CNTN5: variants seen among roughly 807,000 people sequenced by gnomAD.
CNTN5 encodes contactin-5.
CNTN5 carries 77 observed loss-of-function variants against 129.1 expected under a neutral mutation model. That is an observed-to-expected ratio of 0.60 (90% confidence interval 0.50 to 0.72). The LOEUF is 0.72. Ranked by LOEUF, CNTN5 falls within the 30% of genes least tolerant of loss-of-function variation. CNTN5 has a pLI of 0.00. For synonymous variants in CNTN5, 509 were observed against 465.6 expected (o/e 1.09, Z -1.20); for missense variants, 1,478 against 1,328.8 (o/e 1.11, Z -1.75).
chr11:100,108,208 T>G, intron 13 of CNTN5, among the ~76,000 whole-genome samples: 1 of 152,148 alleles, frequency 6.6e-6, no homozygotes, highest in African/African-American at 2.4e-5. Context: ...AGTTCCAGCA[T>G]TGTGTGACAA....
chr11:99,188,950 A>C (rs1053337204), intron 1 of CNTN5, among the ~76,000 whole-genome samples: 2 of 151,640 alleles, frequency 1.3e-5, no homozygotes, highest in African/African-American at 4.8e-5. Context: ...TCTTGAAATT[A>C]TTCCCCCTTT....
chr11:99,475,697 T>G (rs916233173), intron 2 of CNTN5, among the ~76,000 whole-genome samples: 3 of 152,132 alleles, frequency 2.0e-5, no homozygotes, highest in African/African-American at 7.2e-5. Context: ...TATATTGGTT[T>G]TTATTTGTAA....
At chr11:99,683,350 A>G (rs949977057) in intron 3 of CNTN5, among the ~76,000 whole-genome samples, 3 of 151,924 alleles carry the variant, frequency 2.0e-5, no homozygotes, top group Admixed American at 1.3e-4. Flanking sequence ...TATGTTTTCC[A>G]TATGGATATG....
chr11:99,274,682 T>A (rs976126213), intron 1 of CNTN5, among the ~76,000 whole-genome samples: 11 of 151,686 alleles, frequency 7.3e-5, no homozygotes, highest in Non-Finnish European at 1.5e-4. Flanking sequence ...TATATATGAA[T>A]GCTTCTTATA....
intron 21 of CNTN5, among the ~76,000 whole-genome samples, chr11:100,312,339 G>A (rs1951487407): frequency 6.6e-6 from 1 of 151,918 alleles, no homozygotes; most frequent in South Asian, 2.1e-4. Context: ...GAAGCTATCA[G>A]GATCTCTCTT....
At chr11:99,786,416 T>A (rs139776522) in intron 3 of CNTN5, among the ~76,000 whole-genome samples, 1 of 151,520 alleles carries the variant, frequency 6.6e-6, no homozygotes, top group Non-Finnish European at 1.5e-5. Context: ...ATCGCAAAAA[T>A]GGCCACACCC....
chr11:99,250,002 T>C (rs945341684), intron 1 of CNTN5, among the ~76,000 whole-genome samples: 2 of 151,982 alleles, frequency 1.3e-5, no homozygotes, highest in Non-Finnish European at 2.9e-5. Context: ...TAATTTCTAT[T>C]CTGCTTTAGG....
At chr11:100,188,695 C>A (rs976918629) in intron 13 of CNTN5, among the ~76,000 whole-genome samples, 1 of 152,134 alleles carries the variant, frequency 6.6e-6, no homozygotes, top group African/African-American at 2.4e-5. Flanking sequence ...CCTCAGAGAA[C>A]TTAAACTGCT....
At chr11:99,509,090 A>ACC (rs1946738210) in intron 2 of CNTN5, among the ~76,000 whole-genome samples, 5 of 152,168 alleles carry the variant, frequency 3.3e-5, no homozygotes, top group Non-Finnish European at 5.9e-5. Flanking sequence ...ATATGGGGGG[A>ACC]ATATATCTTA....
chr11:100,239,434 C>G (rs1417169297), intron 16 of CNTN5, among the ~76,000 whole-genome samples: 1 of 151,952 alleles, frequency 6.6e-6, no homozygotes, highest in African/African-American at 2.4e-5. Flanking sequence ...AGGTTTATAT[C>G]ACATAAAATA....
chr11:99,829,651 TC>T (rs928830079), intron 4 of CNTN5, among the ~76,000 whole-genome samples: 1 of 152,176 alleles, frequency 6.6e-6, no homozygotes, highest in African/African-American at 2.4e-5. Context: ...TGAAATTGTG[TC>T]AATGCAAATG....
chr11:100,092,243 G>T (rs963271564), intron 13 of CNTN5, among the ~76,000 whole-genome samples: 12 of 152,022 alleles, frequency 7.9e-5, no homozygotes, highest in African/African-American at 2.9e-4. Flanking sequence ...CTGATTATCT[G>T]GTCAACTGAA....
At chr11:99,959,048 A>G (rs1950874709) in intron 8 of CNTN5, among the ~76,000 whole-genome samples, 1 of 152,112 alleles carries the variant, frequency 6.6e-6, no homozygotes, top group Non-Finnish European at 1.5e-5. Flanking sequence ...ATGGGCACAC[A>G]TTTCATGAAT....
intron 1 of CNTN5, among the ~76,000 whole-genome samples, chr11:99,172,239 T>C (rs1297218544): frequency 6.6e-6 from 1 of 152,112 alleles, no homozygotes. Flanking sequence ...ATTACACTAA[T>C]CTCTGAGTAA....
chr11:99,915,001 A>G (rs1753577889), intron 6 of CNTN5, among the ~76,000 whole-genome samples: 1 of 152,114 alleles, frequency 6.6e-6, no homozygotes, highest in Admixed American at 6.6e-5. Flanking sequence ...GTATTGCTAC[A>G]AAGCATATTA....
chr11:99,156,846 C>A (rs1048446396), intron 1 of CNTN5, among the ~76,000 whole-genome samples: 2 of 151,842 alleles, frequency 1.3e-5, no homozygotes, highest in South Asian at 4.1e-4. Context: ...AAATATAATG[C>A]AATATTTTTT....
chr11:100,103,724 T>C (rs958119669), intron 13 of CNTN5, among the ~76,000 whole-genome samples: 4 of 152,146 alleles, frequency 2.6e-5, no homozygotes, highest in African/African-American at 9.7e-5. Context: ...TAAAGTTTAC[T>C]TACCAGTGCC....
chr11:100,224,672 G>A lies in CNTN5; in HGVS notation c.1885-20G>A. 1.9e-6 allele frequency: 3 copies of A among 1,601,884 alleles called. No individual in the cohort carries two copies. Among genetic ancestry groups the A allele is most frequent in the Non-Finnish European group, 2.6e-6 (3 of 1,171,484 alleles). On this transcript the variant is annotated intron_variant, in intron 15 of 24. Coordinates refer to ENST00000524871, the MANE Select transcript of CNTN5 (RefSeq NM_014361.4). ...GGCAGATTTGCAACATTTTAAACTG[G>A]CACTTCATCCCTCTTTCAGCAAGCA...
intron 7 of CNTN5, among the ~76,000 whole-genome samples, chr11:99,917,730 A>T (rs1467308984): frequency 6.6e-6 from 1 of 152,160 alleles, no homozygotes; most frequent in Non-Finnish European, 1.5e-5. Context: ...TAGAAGTCAA[A>T]ACTTCGGGAT....
Sources: allele counts gnomAD v4.1 joint callset (sites outside exome capture counted in the v4.1 genomes callset), GRCh38; gene constraint gnomAD v4.1.1; transcripts MANE v1.5; gene names NCBI Gene and HGNC (gene_info 2026-07-23, HGNC 2026-07-21).